ZCWPW2: variants seen among roughly 807,000 people sequenced by gnomAD.
ZCWPW2 encodes zinc finger CW-type and PWWP domain containing 2, also known as zinc finger CW-type PWWP domain protein 2.
A neutral mutation model predicts 46.6 loss-of-function variants in ZCWPW2; 45 were observed. The observed-to-expected ratio is 0.96, with a 90% CI of 0.76 to 1.24. The LOEUF (loss-of-function observed/expected upper bound fraction) is 1.24, where lower values mean the gene tolerates loss of function less well. Among genes scored for constraint, ZCWPW2 ranks in the 50% most tolerant of loss-of-function variants. The pLI is 0.00. For missense variants in ZCWPW2, 429 were observed against 403.9 expected (o/e 1.06, Z -0.53); for synonymous variants, 152 against 137.1 (o/e 1.11, Z -0.76).
At chr3:28,367,025 T>C (rs1046376348) in intron 1 of ZCWPW2, among the ~76,000 whole-genome samples, 2 of 152,146 alleles carry the variant, frequency 1.3e-5, no homozygotes, top group Admixed American at 6.5e-5. Context: ...TCTATTTGAT[T>C]CTTCTCTCTT....
chr3:28,436,827 A>G (rs1697520792), intron 4 of ZCWPW2, among the ~76,000 whole-genome samples: 2 of 152,166 alleles, frequency 1.3e-5, no homozygotes, highest in Admixed American at 1.3e-4. Flanking sequence ...AGAAGACAGG[A>G]TAGAATATTC....
chr3:28,505,537 C>T (rs1307447435), intron 6 of ZCWPW2, among the ~76,000 whole-genome samples: 1 of 152,122 alleles, frequency 6.6e-6, no homozygotes, highest in Non-Finnish European at 1.5e-5. Context: ...GGCCCAAAGA[C>T]TTAACTATAT....
chr3:28,523,139 G>A (rs1161884687), intron 9 of ZCWPW2, among the ~76,000 whole-genome samples: 4 of 152,082 alleles, frequency 2.6e-5, no homozygotes, highest in Admixed American at 6.6e-5. Context: ...TTAGATTGTT[G>A]TATTATTTTA....
intron 4 of ZCWPW2, among the ~76,000 whole-genome samples, chr3:28,441,049 A>G (rs1697733616): frequency 6.6e-6 from 1 of 152,186 alleles, no homozygotes. Flanking sequence ...GAGCCCATGC[A>G]TAACCTCCAT....
At chr3:28,449,617 C>A (rs1698145850) in intron 4 of ZCWPW2, among the ~76,000 whole-genome samples, 1 of 152,114 alleles carries the variant, frequency 6.6e-6, no homozygotes, top group Non-Finnish European at 1.5e-5. Context: ...GATTGCACAA[C>A]ATTATAAATG....
chr3:28,471,897 A>G (rs1313019993), intron 4 of ZCWPW2, among the ~76,000 whole-genome samples: 1 of 152,232 alleles, frequency 6.6e-6, no homozygotes, highest in African/African-American at 2.4e-5. Context: ...ATACTAATCA[A>G]CATACAAACA....
In ZCWPW2 at chr3:28,359,042, A is replaced by G. The variant is rs909509363; in HGVS notation, c.-134+9839A>G. 3.9e-5 allele frequency among the ~76,000 whole-genome samples: 6 copies of G among 152,114 alleles called. No homozygotes were observed. In the South Asian group the frequency reaches 8.3e-4, roughly 21 times the overall value. ...TAACTGTACATTGAGAAAGTCATTG[A>G]TATGTTGAATCTAGTAACTGAGGTG... On this transcript the variant is annotated intron_variant, in intron 1 of 9. Coordinates refer to ENST00000383768, the MANE Select transcript of ZCWPW2 (RefSeq NM_001040432.4).
At chr3:28,384,127 T>A (rs1695192796) in intron 1 of ZCWPW2, among the ~76,000 whole-genome samples, 1 of 152,184 alleles carries the variant, frequency 6.6e-6, no homozygotes, top group Admixed American at 6.5e-5. Flanking sequence ...GTATTAATAG[T>A]AGAATATACT....
chr3:28,500,987 CCCCAGA>C (rs747830968), intron 6 of ZCWPW2, among the ~76,000 whole-genome samples: 323 of 152,244 alleles, frequency 2.1e-3, no homozygotes, highest in Non-Finnish European at 3.6e-3. Flanking sequence ...GGCCAGTGTT[CCCCAGA>C]CTTGAATCAT....
intron 4 of ZCWPW2, among the ~76,000 whole-genome samples, chr3:28,472,353 G>T (rs1699071125): frequency 6.6e-6 from 1 of 152,094 alleles, no homozygotes; most frequent in Admixed American, 6.6e-5. Context: ...AACCAAAATG[G>T]TATGGTATTG....
chr3:28,366,688 C>A (rs1283906182), intron 1 of ZCWPW2, among the ~76,000 whole-genome samples: 108 of 151,848 alleles, frequency 7.1e-4, no homozygotes, highest in African/African-American at 2.6e-3. Flanking sequence ...CCCTCTTTTT[C>A]TATTGATTGG....
At chr3:28,431,203 C>T (rs1021979647) in intron 3 of ZCWPW2, among the ~76,000 whole-genome samples, 1 of 151,972 alleles carries the variant, frequency 6.6e-6, no homozygotes, top group Non-Finnish European at 1.5e-5. Context: ...AAATAGTTAC[C>T]TTAATGAAGC....
intron 1 of ZCWPW2, among the ~76,000 whole-genome samples, chr3:28,350,682 C>G (rs1188894671): frequency 6.7e-6 from 1 of 149,074 alleles, no homozygotes; most frequent in African/African-American, 2.6e-5. Context: ...CTTCAATTAA[C>G]TTTCTCAAAT....
Position 28,504,956 on chromosome 3 carries a change from G to GTA in ZCWPW2, c.658-9101_658-9100dup, listed in dbSNP as rs567281804. ...CCTGGATTTTCATGGTCTATCTCTG[G>GTA]TATATATAGTCAAAGACCGCTAAAA... On this transcript the variant is annotated intron_variant, in intron 6 of 9. Transcript: ENST00000383768. Among the ~76,000 whole-genome samples, 218 of 152,154 alleles carry GTA rather than the reference G, an allele frequency of 1.4e-3. 5 individuals are homozygous for GTA. The South Asian group carries it at 0.029, about 20-fold the overall frequency.
chr3:28,470,088 T>C (rs1261285918), intron 4 of ZCWPW2, among the ~76,000 whole-genome samples: 1 of 152,202 alleles, frequency 6.6e-6, no homozygotes, highest in Non-Finnish European at 1.5e-5. Flanking sequence ...CTTCTCTTAC[T>C]ACAATGCAAT....
At chr3:28,425,064 G>C (rs2125752430) in intron 3 of ZCWPW2, among the ~76,000 whole-genome samples, 1 of 152,244 alleles carries the variant, frequency 6.6e-6, no homozygotes, top group Admixed American at 6.5e-5. Flanking sequence ...CTGAAATGCT[G>C]TGTTAGAAAT....
At chr3:28,419,977 T>C (rs1463199766) in intron 3 of ZCWPW2, among the ~76,000 whole-genome samples, 2 of 142,002 alleles carry the variant, frequency 1.4e-5, no homozygotes, top group Non-Finnish European at 3.1e-5. Flanking sequence ...TAACGCTAAA[T>C]GACGAGTTAA....
At chr3:28,483,056 C>A (rs1163035180) in intron 5 of ZCWPW2, among the ~76,000 whole-genome samples, 1 of 152,082 alleles carries the variant, frequency 6.6e-6, no homozygotes. Context: ...GGTGTTGTAT[C>A]TAAATGTTAT....
chr3:28,387,949 G>A (rs1198630536), intron 1 of ZCWPW2, among the ~76,000 whole-genome samples: 1 of 152,140 alleles, frequency 6.6e-6, no homozygotes, highest in African/African-American at 2.4e-5. Context: ...TCAAGAAAAT[G>A]TGTATGTATA....
Sources: gnomAD v4.1 joint callset for allele counts (sites outside exome capture counted in the v4.1 genomes callset) on GRCh38, gnomAD v4.1.1 for gene constraint, MANE v1.5 for transcripts, NCBI Gene and HGNC (gene_info 2026-07-23, HGNC 2026-07-21) for gene names.